HS3ST4: variants seen among roughly 807,000 people sequenced by gnomAD.
HS3ST4 encodes heparan sulfate-glucosamine 3-sulfotransferase 4.
Under a neutral mutation model 29.2 loss-of-function variants are expected in HS3ST4, and 17 were observed. The ratio of observed to expected loss-of-function variants is 0.58; its 90% confidence interval spans 0.40 to 0.87. The LOEUF is 0.87. HS3ST4 is among the 40% of genes least tolerant of loss of function. The probability of loss-of-function intolerance (pLI) is 0.00; values close to 1 mark genes in which losing one functional copy is unlikely to be tolerated. For missense variants in HS3ST4, 627 were observed against 634.5 expected (o/e 0.99, Z 0.13); for synonymous variants, 314 against 285.7 (o/e 1.10, Z -1.00).
chr16:25,954,239 A>G (rs1258366434), intron 1 of HS3ST4, among the ~76,000 whole-genome samples: 1 of 152,214 alleles, frequency 6.6e-6, no homozygotes, highest in Non-Finnish European at 1.5e-5. Context: ...GCCAGTGTTC[A>G]GTTTTCTGTC....
chr16:25,974,016 C>T (rs919889696), intron 1 of HS3ST4, among the ~76,000 whole-genome samples: 4 of 152,172 alleles, frequency 2.6e-5, no homozygotes, highest in South Asian at 4.1e-4. Flanking sequence ...GACACATGCT[C>T]GTAAGCAGGG....
rs142264146 is a variant in HS3ST4, at chr16:25,889,823, G to A, written c.734+196672G>A. ...GGTAGGAGGTAATTGAATCATTGGG[G>A]TGGGGTTTTCCTGTGCTGTTCTCTG... On this transcript the variant is annotated intron_variant, in intron 1 of 1. Coordinates refer to ENST00000331351, the MANE Select transcript of HS3ST4 (RefSeq NM_006040.3). 2.0e-3 allele frequency among the ~76,000 whole-genome samples: 308 copies of A among 152,224 alleles called. 6 individuals carry two copies. In the East Asian group the frequency reaches 0.044, roughly 22 times the overall value.
chr16:26,056,612 G>A (rs1221609172), intron 1 of HS3ST4, among the ~76,000 whole-genome samples: 44 of 152,202 alleles, frequency 2.9e-4, no homozygotes, highest in African/African-American at 2.4e-5. Flanking sequence ...CCTAATGTGT[G>A]CACACTGGTG....
chr16:25,884,851 A>C (rs1318634992), intron 1 of HS3ST4, among the ~76,000 whole-genome samples: 1 of 152,206 alleles, frequency 6.6e-6, no homozygotes, highest in Non-Finnish European at 1.5e-5. Flanking sequence ...TTAGGATTAC[A>C]GGCGTCAACC....
Position 26,116,742 on chromosome 16 carries a change from C to T in HS3ST4, c.735-18870C>T, listed in dbSNP as rs1026172944. 2.6e-5 allele frequency among the ~76,000 whole-genome samples: 4 copies of T among 152,128 alleles called. No individual in the cohort carries two copies. In the South Asian group the frequency reaches 8.3e-4, roughly 32 times the overall value. On this transcript the variant is annotated intron_variant, in intron 1 of 1. Transcript: ENST00000331351. ...ACATTTATTTACTTATCTGCTCATC[C>T]ATTCATCCATCTACTTATTCATGAA...
In HS3ST4 at chr16:25,692,656, C is replaced by G. The variant is rs753481150; in HGVS notation, c.239C>G (p.Pro80Arg). 53 of 1,351,630 alleles carry G rather than the reference C, an allele frequency of 3.9e-5. No homozygotes were observed. Among genetic ancestry groups the G allele is most frequent in the Non-Finnish European group, 3.5e-5 (36 of 1,043,474 alleles). 83.7% of individuals were successfully genotyped at this position (1,351,630 alleles called of 1,614,324 possible). A position where few individuals can be genotyped will look rare whatever the true frequency, so the allele number is the denominator to read the frequency against. Residue 80 changes from proline to arginine, a missense_variant, in exon 1 of 2, where the codon CCG becomes CGG. This residue lies in a region of HS3ST4 where 402 missense variants were observed against 340.8 expected (regional missense o/e 1.18). Coordinates refer to ENST00000331351, the MANE Select transcript of HS3ST4 (RefSeq NM_006040.3). ...GAAAEPPPSPPPPSLLPTPVR... is the reference protein window; with the variant it reads ...GAAAEPPPSPRPPSLLPTPVR... ...GCCGCCGAGCCCCCGCCGAGCCCGC[C>G]GCCACCCTCTCTGCTGCCTACCCCC...
intron 1 of HS3ST4, among the ~76,000 whole-genome samples, chr16:25,717,868 T>C: frequency 6.6e-6 from 1 of 152,102 alleles, no homozygotes; most frequent in Non-Finnish European, 1.5e-5. Flanking sequence ...AGTACGTACA[T>C]CTAGGAAGTT....
At chr16:26,128,651 A>C (rs2141814653) in intron 1 of HS3ST4, among the ~76,000 whole-genome samples, 1 of 152,368 alleles carries the variant, frequency 6.6e-6, no homozygotes, top group African/African-American at 2.4e-5. Context: ...ACTTTCCAGC[A>C]TAACTGGGCA....
At chr16:26,025,742 G>A (rs1567296369) in intron 1 of HS3ST4, among the ~76,000 whole-genome samples, 1 of 152,240 alleles carries the variant, frequency 6.6e-6, no homozygotes, top group East Asian at 1.9e-4. Context: ...ACTTCTGGAA[G>A]GCTTAGCAAC....
intron 1 of HS3ST4, among the ~76,000 whole-genome samples, chr16:25,907,312 G>C (rs924457561): frequency 6.6e-6 from 1 of 152,164 alleles, no homozygotes; most frequent in African/African-American, 2.4e-5. Context: ...TTCCAGGAGG[G>C]CTTCAGTAGG....
chr16:25,729,309 T>C (rs1966556263), intron 1 of HS3ST4, among the ~76,000 whole-genome samples: 1 of 152,114 alleles, frequency 6.6e-6, no homozygotes, highest in Admixed American at 6.6e-5. Flanking sequence ...TCTTGTGGTT[T>C]CCTGCATTGG....
At chr16:25,718,948 T>C (rs1476700554) in intron 1 of HS3ST4, among the ~76,000 whole-genome samples, 1 of 152,146 alleles carries the variant, frequency 6.6e-6, no homozygotes, top group African/African-American at 2.4e-5. Flanking sequence ...TGCAAAGACA[T>C]AGGAGGACAA....
intron 1 of HS3ST4, among the ~76,000 whole-genome samples, chr16:26,067,869 A>G (rs1898559168): frequency 6.6e-6 from 1 of 152,142 alleles, no homozygotes; most frequent in Non-Finnish European, 1.5e-5. Flanking sequence ...TCCCCTACAC[A>G]TGGTGTCTCT....
At chr16:25,714,274 C>T (rs1966437044) in intron 1 of HS3ST4, among the ~76,000 whole-genome samples, 1 of 152,194 alleles carries the variant, frequency 6.6e-6, no homozygotes. Context: ...CACTGCCAAC[C>T]TCATTCGCCA....
At chr16:25,838,324 T>TAAG (rs1380959680) in intron 1 of HS3ST4, among the ~76,000 whole-genome samples, 27 of 152,312 alleles carry the variant, frequency 1.8e-4, no homozygotes, top group African/African-American at 6.0e-4. Context: ...TCTGACCCGA[T>TAAG]TCATTCTCTT....
At chr16:25,960,848 G>C (rs1304027754) in intron 1 of HS3ST4, among the ~76,000 whole-genome samples, 9 of 152,174 alleles carry the variant, frequency 5.9e-5, no homozygotes, top group Non-Finnish European at 8.8e-5. Context: ...TCTTGAAGGA[G>C]ATATAAATAA....
At chr16:25,995,524 A>G (rs569387964) in intron 1 of HS3ST4, among the ~76,000 whole-genome samples, 3 of 152,288 alleles carry the variant, frequency 2.0e-5, no homozygotes, top group African/African-American at 7.2e-5. Flanking sequence ...CTTAAAATGG[A>G]CTGTACTAGG....
intron 1 of HS3ST4, among the ~76,000 whole-genome samples, chr16:25,875,013 C>CT (rs1249407882): frequency 6.6e-6 from 1 of 152,142 alleles, no homozygotes; most frequent in Non-Finnish European, 1.5e-5. Flanking sequence ...AGAATATTGC[C>CT]TTGCCCGTTG....
At chr16:25,811,422 C>CT (rs5816324) in intron 1 of HS3ST4, among the ~76,000 whole-genome samples, 2 of 129,044 alleles carry the variant, frequency 1.5e-5, no homozygotes, top group Non-Finnish European at 1.6e-5. Context: ...TTTTCTTCTT[C>CT]TTTTTTTTTT....
Sources: allele counts gnomAD v4.1 joint callset (sites outside exome capture counted in the v4.1 genomes callset), GRCh38; gene constraint gnomAD v4.1.1; regional missense constraint gnomAD v4.1.1; transcripts MANE v1.5; gene names NCBI Gene and HGNC (gene_info 2026-07-23, HGNC 2026-07-21).